ARHGAP31: variants seen among roughly 807,000 people sequenced by gnomAD.
The protein encoded by ARHGAP31 is rho GTPase-activating protein 31.
Under a neutral mutation model 113.9 loss-of-function variants are expected in ARHGAP31, and 34 were observed. That is an observed-to-expected ratio of 0.30 (90% CI 0.23 to 0.40). The LOEUF (loss-of-function observed/expected upper bound fraction) is 0.40. Ranked by LOEUF, ARHGAP31 falls within the 10% of genes least tolerant of loss-of-function variation. The pLI is 1.00. For missense variants in ARHGAP31, 1,548 were observed against 1,767.1 expected (o/e 0.88, Z 2.22); for synonymous variants, 650 against 684.8 (o/e 0.95, Z 0.79).
rs1190983855 is a variant in ARHGAP31, at chr3:119,416,062, G to A, written c.4133G>A (p.Ser1378Asn). The change falls in exon 12 of 12, where the codon AGT becomes AAT. Residue 1378 changes from serine (S) to asparagine (N), a missense_variant. Ser to Asn is a conservative substitution (Grantham distance 46). Transcript: ENST00000264245. ...AAGGTCCTGCTGTCCCCTATCAGAA[G>A]TCCCACCCAGACAGTTTCCCCTGGC... ...DSKVLLSPIR[S>N]PTQTVSPGLL... is the part of the protein sequence containing the mutation. 6.2e-7 allele frequency: 1 copy of A among 1,614,168 alleles called. No individual in the cohort carries two copies. Among genetic ancestry groups the A allele is most frequent in the South Asian group, 1.1e-5 (1 of 91,080 alleles).
At chr3:119,361,084 A>G (rs940544486) in intron 1 of ARHGAP31, among the ~76,000 whole-genome samples, 3 of 152,208 alleles carry the variant, frequency 2.0e-5, no homozygotes, top group Non-Finnish European at 4.4e-5. Context: ...CCAATCTGAT[A>G]GGACCCCTGG....
rs867229350 is a variant in ARHGAP31, at chr3:119,365,359, C to T, written c.144C>T (p.His48=). 3 of 1,614,090 alleles carry T rather than the reference C, an allele frequency of 1.9e-6. No homozygotes were observed. Among genetic ancestry groups the T allele is most frequent in the African/African-American group, 1.3e-5 (1 of 75,036 alleles). ...LKSCAEFIET[H]GIVDGIYRLS... The stretch of plus-strand genomic sequence containing the variant: ...GCTGTGCAGAATTTATAGAGACTCA[C>T]GGCATCGTGGATGGAATCTATCGGC... Residue 48 remains histidine, a synonymous_variant, in exon 2 of 12, where the codon CAC becomes CAT. Transcript: ENST00000264245.
intron 1 of ARHGAP31, among the ~76,000 whole-genome samples, chr3:119,340,890 G>GT (rs754768029): frequency 1.3e-5 from 2 of 152,088 alleles, no homozygotes; most frequent in Non-Finnish European, 2.9e-5. Flanking sequence ...CACATATCTT[G>GT]TTTTTTTCAA....
chr3:119,317,028 A>G (rs2079738209), intron 1 of ARHGAP31, among the ~76,000 whole-genome samples: 5 of 152,308 alleles, frequency 3.3e-5, no homozygotes, highest in Admixed American at 3.3e-4. Context: ...TGGGCAGTCC[A>G]GGTGTTTTGT....
At chr3:119,337,306 G>A (rs554118154) in intron 1 of ARHGAP31, among the ~76,000 whole-genome samples, 2 of 152,284 alleles carry the variant, frequency 1.3e-5, no homozygotes, top group African/African-American at 4.8e-5. Context: ...TTTGCGTTGA[G>A]TGTTACAGTT....
At chr3:119,382,920 A>C (rs959303997) in intron 5 of ARHGAP31, among the ~76,000 whole-genome samples, 164 bp from the exon 6 acceptor site, 13 of 152,246 alleles carry the variant, frequency 8.5e-5, no homozygotes, top group African/African-American at 3.1e-4. Context: ...ATTGGGCTTC[A>C]CAGCCTTTGG....
intron 1 of ARHGAP31, among the ~76,000 whole-genome samples, chr3:119,337,996 C>T (rs1295584422): frequency 6.6e-6 from 1 of 152,062 alleles, no homozygotes; most frequent in East Asian, 1.9e-4. Context: ...CTATATATGC[C>T]TAGGGCTGGA....
intron 3 of ARHGAP31, among the ~76,000 whole-genome samples, chr3:119,378,164 C>A (rs1323319944): frequency 1.3e-5 from 2 of 152,138 alleles, no homozygotes; most frequent in Non-Finnish European, 2.9e-5. Context: ...CTGGCTAATG[C>A]TGAGTGAAAT....
Position 119,415,620 on chromosome 3 carries a change from A to G in ARHGAP31, c.3691A>G (p.Arg1231Gly), listed in dbSNP as rs1470414584. ...GGAGAATGGGGTTCAGCCTCTGGAG[A>G]GGAGCCAGGAGGGACCCAGCTCAAC... ...SGENGVQPLE[R>G]SQEGPSSTSG... The change falls in exon 12 of 12, where the codon AGG becomes GGG. Residue 1231 changes from arginine (R) to glycine (G), a missense_variant. Physicochemically the swap from Arg to Gly is moderately radical, Grantham distance 125. Transcript: ENST00000264245. The G allele has an allele frequency of 6.2e-7, 1 of 1,614,114 alleles. No individual in the cohort carries two copies. The highest frequency in any genetic ancestry group is 8.5e-7 in the Non-Finnish European group (1 of 1,180,012).
intron 2 of ARHGAP31, among the ~76,000 whole-genome samples, chr3:119,365,678 CT>C (rs2107623002): frequency 6.6e-6 from 1 of 152,332 alleles, no homozygotes; most frequent in African/African-American, 2.4e-5. Context: ...ATATATTCTT[CT>C]TTGGTGAATT....
chr3:119,389,631 G>C (rs2080486179), intron 6 of ARHGAP31, among the ~76,000 whole-genome samples: 1 of 152,076 alleles, frequency 6.6e-6, no homozygotes, highest in African/African-American at 2.4e-5. Context: ...TTTTCTGTGA[G>C]GCCCTTTTTC....
At chr3:119,399,002 T>C (rs2080576031) in intron 8 of ARHGAP31, among the ~76,000 whole-genome samples, 197 bp from the exon 9 acceptor site, 1 of 152,218 alleles carries the variant, frequency 6.6e-6, no homozygotes, top group East Asian at 1.9e-4. Context: ...ATAACTGCCC[T>C]GAGTTTATTA....
chr3:119,406,014 G>A (rs1462848893), intron 10 of ARHGAP31, among the ~76,000 whole-genome samples: 1 of 152,196 alleles, frequency 6.6e-6, no homozygotes, highest in Non-Finnish European at 1.5e-5. Context: ...ATGTTGTTAG[G>A]TTTATGTCTT....
chr3:119,416,307 C>G lies in ARHGAP31; in HGVS notation c.*43C>G, dbSNP rs368556736. 129 of 1,608,144 alleles carry G rather than the reference C, an allele frequency of 8.0e-5. No individual in the cohort carries two copies. In the African/African-American group the frequency reaches 1.6e-3, roughly 20 times the overall value. ...GTGTCTGAAAAAAACCGTGATTCATCTGGAAGTTATTACAGGGCCAGCTTG... is the reference window on the plus strand; with the variant it reads ...GTGTCTGAAAAAAACCGTGATTCATGTGGAAGTTATTACAGGGCCAGCTTG... On this transcript the variant is annotated 3_prime_UTR_variant, in exon 12 of 12. Transcript: ENST00000264245.
intron 3 of ARHGAP31, among the ~76,000 whole-genome samples, chr3:119,372,994 G>A (rs1008940136): frequency 6.6e-6 from 1 of 152,112 alleles, no homozygotes; most frequent in Non-Finnish European, 1.5e-5. Flanking sequence ...AGGAAAATTC[G>A]CTATCTATTG....
chr3:119,364,251 C>T (rs1209955732), intron 1 of ARHGAP31, among the ~76,000 whole-genome samples: 1 of 149,938 alleles, frequency 6.7e-6, no homozygotes, highest in African/African-American at 2.5e-5. Context: ...GTGGGGGGGC[C>T]GTTCTTACCT....
chr3:119,344,743 C>T (rs994797673), intron 1 of ARHGAP31, among the ~76,000 whole-genome samples: 14 of 151,926 alleles, frequency 9.2e-5, no homozygotes, highest in Non-Finnish European at 2.9e-5. Flanking sequence ...GTGATCCTCC[C>T]ACCTCAGCCT....
chr3:119,350,176 G>GC (rs1398263833), intron 1 of ARHGAP31, among the ~76,000 whole-genome samples: 4 of 152,178 alleles, frequency 2.6e-5, no homozygotes, highest in Non-Finnish European at 4.4e-5. Flanking sequence ...GTTACAAACT[G>GC]CAGGGAAGTG....
At chr3:119,312,493 A>G (rs1659109811) in intron 1 of ARHGAP31, among the ~76,000 whole-genome samples, 1 of 152,056 alleles carries the variant, frequency 6.6e-6, no homozygotes, top group Non-Finnish European at 1.5e-5. Context: ...CATCTTTGTC[A>G]TTTCCCCAGT....
Sources: allele counts gnomAD v4.1 joint callset (sites outside exome capture counted in the v4.1 genomes callset), GRCh38; gene constraint gnomAD v4.1.1; transcripts MANE v1.5; gene names NCBI Gene and HGNC (gene_info 2026-07-23, HGNC 2026-07-21).